Variants in GRID2 observed in about 807,000 individuals in gnomAD.
The protein encoded by GRID2 is glutamate ionotropic receptor delta type subunit 2.
Under a neutral mutation model 114.8 loss-of-function variants are expected in GRID2, and 33 were observed. That is an observed-to-expected ratio of 0.29 (90% confidence interval 0.22 to 0.38). GRID2 has a LOEUF of 0.38. Ranked by LOEUF, GRID2 falls within the 10% of genes least tolerant of loss-of-function variation. The pLI is 1.00. For synonymous variants in GRID2, 505 were observed against 449.9 expected, an observed-to-expected ratio of 1.12 and a Z score of -1.55; for missense variants, 1,184 against 1,257.7, an observed-to-expected ratio of 0.94 and a Z score of 0.89.
chr4:93,360,129 T>C (rs1264589552), intron 8 of GRID2, among the ~76,000 whole-genome samples: 1 of 152,002 alleles, frequency 6.6e-6, no homozygotes, highest in Non-Finnish European at 1.5e-5. Flanking sequence ...GATAATATTT[T>C]ATTTCTACAG....
chr4:92,715,369 C>T (rs1409289209), intron 2 of GRID2, among the ~76,000 whole-genome samples: 1 of 152,168 alleles, frequency 6.6e-6, no homozygotes, highest in Non-Finnish European at 1.5e-5. Context: ...CCCACATTTT[C>T]CTGCCTTCTT....
intron 2 of GRID2, among the ~76,000 whole-genome samples, chr4:93,041,727 C>A (rs1725534007): frequency 6.6e-6 from 1 of 152,078 alleles, no homozygotes; most frequent in South Asian, 2.1e-4. Flanking sequence ...GAAAAAATCA[C>A]ATTTTACATA....
chr4:93,120,521 C>T (rs992251561), intron 4 of GRID2, among the ~76,000 whole-genome samples: 1 of 152,126 alleles, frequency 6.6e-6, no homozygotes, highest in African/African-American at 2.4e-5. Context: ...CCCATGTTCT[C>T]ACTCATAAGT....
At chr4:93,263,586 A>G (rs1750488886) in intron 8 of GRID2, among the ~76,000 whole-genome samples, 1 of 152,090 alleles carries the variant, frequency 6.6e-6, no homozygotes, top group Non-Finnish European at 1.5e-5. Context: ...TTAGTATATT[A>G]TATTTGAATT....
chr4:93,464,264 A>G (rs1249435573), intron 11 of GRID2, among the ~76,000 whole-genome samples: 1 of 152,162 alleles, frequency 6.6e-6, no homozygotes, highest in South Asian at 2.1e-4. Flanking sequence ...TCTGTTTGAC[A>G]TGCCCAAACC....
chr4:93,106,715 A>G (rs1732271523), intron 3 of GRID2, among the ~76,000 whole-genome samples: 1 of 151,832 alleles, frequency 6.6e-6, no homozygotes, highest in African/African-American at 2.4e-5. Context: ...GCCACATATC[A>G]TGGGTATTTG....
At chr4:93,017,683 G>A (rs188368743) in intron 2 of GRID2, among the ~76,000 whole-genome samples, 1 of 151,660 alleles carries the variant, frequency 6.6e-6, no homozygotes, top group African/African-American at 2.4e-5. Context: ...TTAGGCGCTT[G>A]TGATCCCAGC....
intron 2 of GRID2, among the ~76,000 whole-genome samples, chr4:92,895,032 T>G (rs1747059428): frequency 6.6e-6 from 1 of 151,972 alleles, no homozygotes; most frequent in Non-Finnish European, 1.5e-5. Context: ...TAAACCTGTC[T>G]CCCATATTTA....
intron 1 of GRID2, among the ~76,000 whole-genome samples, chr4:92,386,930 T>G (rs1307240175): frequency 6.6e-6 from 1 of 151,946 alleles, no homozygotes; most frequent in Non-Finnish European, 1.5e-5. Context: ...CAGTCATTAA[T>G]TTGGTACTGA....
chr4:92,936,109 A>C (rs1750653593), intron 2 of GRID2, among the ~76,000 whole-genome samples: 1 of 146,936 alleles, frequency 6.8e-6, no homozygotes, highest in Admixed American at 7.4e-5. Flanking sequence ...TGTTAAACAA[A>C]AGAAATGCAC....
intron 14 of GRID2, among the ~76,000 whole-genome samples, chr4:93,711,901 T>C (rs964249647): frequency 6.6e-6 from 1 of 152,204 alleles, no homozygotes; most frequent in African/African-American, 2.4e-5. Context: ...AGCTGTTTTC[T>C]TGTGTGGATA....
At chr4:93,036,201 C>T (rs1029106157) in intron 2 of GRID2, among the ~76,000 whole-genome samples, 1 of 152,068 alleles carries the variant, frequency 6.6e-6, no homozygotes, top group Non-Finnish European at 1.5e-5. Context: ...CTCTCTCCTC[C>T]TAGTAGTGTA....
At chr4:93,085,850 TA>T (rs889320641) in intron 3 of GRID2, among the ~76,000 whole-genome samples, 19 of 150,320 alleles carry the variant, frequency 1.3e-4, no homozygotes, top group Non-Finnish European at 1.8e-4. Context: ...TACTAAGTAG[TA>T]AAAAAAAAAT....
At chr4:93,380,998 C>A (rs924466742) in intron 8 of GRID2, among the ~76,000 whole-genome samples, 5 of 151,880 alleles carry the variant, frequency 3.3e-5, no homozygotes, top group East Asian at 1.9e-4. Flanking sequence ...CTTTAGTTAC[C>A]CTTTTCTCTC....
chr4:93,049,848 C>G (rs1726526941), intron 2 of GRID2, among the ~76,000 whole-genome samples: 1 of 151,930 alleles, frequency 6.6e-6, no homozygotes, highest in Non-Finnish European at 1.5e-5. Flanking sequence ...AATAGAGTTC[C>G]ATGTTTCCAA....
intron 2 of GRID2, among the ~76,000 whole-genome samples, chr4:92,716,205 A>G (rs761391865): frequency 3.9e-5 from 6 of 152,172 alleles, no homozygotes; most frequent in Non-Finnish European, 8.8e-5. Context: ...CCAATAATAG[A>G]TTTTAAGATT....
intron 2 of GRID2, among the ~76,000 whole-genome samples, chr4:92,782,864 G>A (rs1385206118): frequency 2.0e-5 from 3 of 152,022 alleles, no homozygotes; most frequent in Non-Finnish European, 4.4e-5. Flanking sequence ...TACTAAAAGA[G>A]GTGACAGAGG....
intron 1 of GRID2, among the ~76,000 whole-genome samples, chr4:92,576,318 G>A (rs1727891542): frequency 6.6e-6 from 1 of 152,164 alleles, no homozygotes; most frequent in Non-Finnish European, 1.5e-5. Context: ...CCCACAAGCT[G>A]GAATAGCTGA....
At position 92,956,942 on chromosome 4, in the gene GRID2, G is replaced by T. The variant is rs146093082; in HGVS notation, c.245-128053G>T. On this transcript the variant is annotated intron_variant, in intron 2 of 15. Transcript: ENST00000282020. Reference sequence around the variant, plus strand: ...TGGAGCATATTTTATGTGCTTGTTTGCCATCTGTATATCTTCTTTGGTGAG... The same window carrying T: ...TGGAGCATATTTTATGTGCTTGTTTTCCATCTGTATATCTTCTTTGGTGAG... Among the ~76,000 whole-genome samples the T allele has an allele frequency of 3.9e-3, 592 of 152,162 alleles. 8 individuals carry two copies. The highest frequency in any genetic ancestry group is 0.014 in the African/African-American group (569 of 41,522).
Sources: allele counts gnomAD v4.1 joint callset (sites outside exome capture counted in the v4.1 genomes callset), GRCh38; gene constraint gnomAD v4.1.1; transcripts MANE v1.5; gene names NCBI Gene and HGNC (gene_info 2026-07-23, HGNC 2026-07-21).